The following MYH11 variants were observed in gnomAD, a reference collection of about 807,000 sequenced individuals.
MYH11 encodes myosin-11.
In MYH11, 80 loss-of-function variants were observed where a neutral mutation model predicts 246.6. That is an observed-to-expected ratio of 0.32 (90% CI 0.27 to 0.39). The LOEUF (loss-of-function observed/expected upper bound fraction) is 0.39. Among genes scored for constraint, MYH11 ranks in the 10% least tolerant of loss-of-function variants. The pLI is 1.00. For synonymous variants in MYH11, 1,071 were observed against 1,015.5 expected, an observed-to-expected ratio of 1.05 and a Z score of -1.04; for missense variants, 2,158 against 2,546.8, an observed-to-expected ratio of 0.85 and a Z score of 3.29.
rs574555938 is a variant in MYH11, at chr16:15,707,756, G to T, written c.5787-3633C>A. On this transcript the variant is annotated intron_variant, in intron 40 of 40. Transcript: ENST00000300036. ...GGAGGCCAAGGCGCGCGGATCACCT[G>T]AAGTCAGGAGTTTGAGACCAGCCTG... Among the ~76,000 whole-genome samples the T allele has an allele frequency of 9.2e-5, 14 of 152,272 alleles. No individual in the cohort carries two copies. In the East Asian group the frequency reaches 2.7e-3, roughly 29 times the overall value.
At chr16:15,833,532 G>A (rs903382735) in intron 2 of MYH11, among the ~76,000 whole-genome samples, 4 of 151,948 alleles carry the variant, frequency 2.6e-5, no homozygotes, top group Non-Finnish European at 4.4e-5. Context: ...TGCCACAAAC[G>A]GTCTTCAGCA....
intron 3 of MYH11, among the ~76,000 whole-genome samples, chr16:15,813,350 A>T (rs766196729): frequency 1.2e-4 from 18 of 152,102 alleles, no homozygotes; most frequent in Non-Finnish European, 2.4e-4. Flanking sequence ...CCCTGTCTCT[A>T]AAAAAAGCAA....
chr16:15,733,554 T>G (rs893212957), intron 26 of MYH11, among the ~76,000 whole-genome samples: 2 of 151,282 alleles, frequency 1.3e-5, no homozygotes, highest in African/African-American at 4.9e-5. Flanking sequence ...TTTGTTTGTT[T>G]GTTTTTCTTA....
Position 15,724,721 on chromosome 16 carries a change from G to A in MYH11, c.4042C>T (p.Leu1348=), listed in dbSNP as rs758078993. The A allele has an allele frequency of 1.2e-6, 2 of 1,614,182 alleles. No homozygotes were observed. Among genetic ancestry groups the A allele is most frequent in the Admixed American group, 3.3e-5 (2 of 60,024 alleles). ...LRQLEEERNS[L]QDQLDEEMEA... Reference sequence around the variant, plus strand: ...ATCTCCTCGTCCAGCTGGTCTTGCAGGCTGTTCCGCTCCTCCTCCAGCTGG... The same window carrying A: ...ATCTCCTCGTCCAGCTGGTCTTGCAAGCTGTTCCGCTCCTCCTCCAGCTGG... The change falls in exon 30 of 41, where the codon CTG becomes TTG. Residue 1348 remains leucine, a synonymous_variant. Transcript: ENST00000300036.
At chr16:15,757,698 G>T in intron 13 of MYH11, 129 bp downstream of exon 13, 2 of 1,190,384 alleles carry the variant, frequency 1.7e-6, no homozygotes, top group Non-Finnish European at 1.2e-6. Flanking sequence ...CAGCCTTTCA[G>T]GACTGGGTGA....
intron 31 of MYH11, among the ~76,000 whole-genome samples, chr16:15,723,704 G>A (rs1010102014): frequency 6.6e-6 from 1 of 152,074 alleles, no homozygotes; most frequent in Non-Finnish European, 1.5e-5. Context: ...TCCAGGTGGT[G>A]GCCTTAAAGG....
intron 9 of MYH11, among the ~76,000 whole-genome samples, chr16:15,764,670 G>C (rs1290747540): frequency 6.6e-6 from 1 of 152,200 alleles, no homozygotes; most frequent in Non-Finnish European, 1.5e-5. Flanking sequence ...AGGTGCATGT[G>C]GGAGCTTCCA....
chr16:15,780,220 C>G (rs1012529867), intron 6 of MYH11, among the ~76,000 whole-genome samples: 3 of 152,068 alleles, frequency 2.0e-5, no homozygotes, highest in Non-Finnish European at 4.4e-5. Flanking sequence ...GGCACATCTG[C>G]TATGGAGATT....
chr16:15,707,417 A>G (rs564661047), intron 40 of MYH11, among the ~76,000 whole-genome samples: 37 of 152,288 alleles, frequency 2.4e-4, no homozygotes, highest in African/African-American at 7.7e-4. Context: ...GCAAGGACTC[A>G]GTTTCCCACT....
chr16:15,722,905 G>A (rs141871521), intron 31 of MYH11, among the ~76,000 whole-genome samples: 21 of 152,192 alleles, frequency 1.4e-4, no homozygotes, highest in Admixed American at 1.3e-3. Flanking sequence ...CACCACGCCC[G>A]GCTAATTTTG....
chr16:15,798,571 G>C, intron 4 of MYH11, 89 bp downstream of exon 4: 1 of 1,319,680 alleles, frequency 7.6e-7, no homozygotes. Flanking sequence ...TGCACTCATG[G>C]ATCTTTTCTT....
intron 38 of MYH11, among the ~76,000 whole-genome samples, chr16:15,715,980 A>T (rs1046125505): frequency 6.6e-6 from 1 of 152,050 alleles, no homozygotes; most frequent in Non-Finnish European, 1.5e-5. Flanking sequence ...TACAATTACA[A>T]GCTGGGTACA....
At chr16:15,840,448 A>G (rs1340351092) in intron 1 of MYH11, among the ~76,000 whole-genome samples, 1 of 152,106 alleles carries the variant, frequency 6.6e-6, no homozygotes, top group Non-Finnish European at 1.5e-5. Flanking sequence ...AACATTACTA[A>G]GAGCTGGACT....
Position 15,763,815 on chromosome 16 carries a change from C to A in MYH11, c.1110G>T (p.Ala370=), listed in dbSNP as rs746485704. ...VFKKERNTDQ[A]SMPDNTAAQK... is the part of the protein sequence containing the mutation. ...AAGTACCTGTGTTATCTGGCATGGA[C>A]GCCTGGTCTGTGTTTCTTTCCTTCT... The change falls in exon 10 of 41, where the codon GCG becomes GCT. Residue 370 remains alanine (A), a synonymous_variant. Coordinates refer to ENST00000300036, the MANE Select transcript of MYH11 (RefSeq NM_002474.3). 2.1e-6 allele frequency: 3 copies of A among 1,408,282 alleles called. No homozygotes were observed. The highest frequency in any genetic ancestry group is 2.8e-6 in the Non-Finnish European group (3 of 1,058,436). 87.2% of individuals were successfully genotyped at this position (1,408,282 alleles called of 1,614,324 possible).
chr16:15,753,261 A>G (rs1407080098), intron 15 of MYH11, 133 bp downstream of exon 15: 8 of 790,486 alleles, frequency 1.0e-5, no homozygotes, highest in Non-Finnish European at 4.4e-6. Context: ...TCACCAGCCC[A>G]TGCCAATGCT....
intron 20 of MYH11, among the ~76,000 whole-genome samples, chr16:15,742,705 T>G (rs1206283733): frequency 2.6e-5 from 4 of 151,652 alleles, no homozygotes; most frequent in South Asian, 4.2e-4. Flanking sequence ...CACTCCAGCC[T>G]GGGTGACACA....
At chr16:15,856,528 G>C (rs1305142795) in intron 1 of MYH11, among the ~76,000 whole-genome samples, 1 of 152,076 alleles carries the variant, frequency 6.6e-6, no homozygotes, top group African/African-American at 2.4e-5. Flanking sequence ...ATAAAAGTGA[G>C]ATGCCTTGAT....
At chr16:15,828,137 G>C (rs973994836) in intron 2 of MYH11, among the ~76,000 whole-genome samples, 1 of 152,210 alleles carries the variant, frequency 6.6e-6, no homozygotes, top group Non-Finnish European at 1.5e-5. Flanking sequence ...CTTCTTCGCT[G>C]TGTGACCCTG....
chr16:15,738,777 T>A lies in MYH11; in HGVS notation c.2998-89A>T, dbSNP rs184666418. The A allele has an allele frequency of 6.7e-6, 10 of 1,482,702 alleles. No homozygotes were observed. In the South Asian group the frequency reaches 7.2e-5, roughly 11 times the overall value. 91.8% of individuals were successfully genotyped at this position (1,482,702 alleles called of 1,614,324 possible). On this transcript the variant is annotated intron_variant, in intron 23 of 40. Transcript: ENST00000300036. ...CTTTTAGTGATTTCCATGTAAACAG[T>A]TGAAAGAAAAACCCACATTATAACA...
Sources: allele counts gnomAD v4.1 joint callset (sites outside exome capture counted in the v4.1 genomes callset), GRCh38; gene constraint gnomAD v4.1.1; transcripts MANE v1.5; gene names NCBI Gene and HGNC (gene_info 2026-07-23, HGNC 2026-07-21).